TXNRD1: variants seen among roughly 807,000 people sequenced by gnomAD.
The protein encoded by TXNRD1 is thioredoxin reductase 1, cytoplasmic.
Under a neutral mutation model 80.3 loss-of-function variants are expected in TXNRD1, and 57 were observed. The ratio of observed to expected loss-of-function variants is 0.71; its 90% CI spans 0.57 to 0.89. The LOEUF is 0.89. Ranked by LOEUF, TXNRD1 falls within the 40% of genes least tolerant of loss-of-function variation. The pLI, the probability that TXNRD1 is intolerant of heterozygous loss-of-function variation, is 0.00. For missense variants in TXNRD1, 730 were observed against 803.0 expected (o/e 0.91, Z 1.10); for synonymous variants, 291 against 285.2 (o/e 1.02, Z -0.20).
chr12:104,287,265 C>CG (rs2034001694), intron 3 of TXNRD1: 1 of 1,613,742 alleles, frequency 6.2e-7, no homozygotes, highest in Non-Finnish European at 8.5e-7. Context: ...TCTGAGCAGA[C>CG]GGGGAGGCTT....
intron 2 of TXNRD1, among the ~76,000 whole-genome samples, chr12:104,254,389 T>C (rs560203137): frequency 2.9e-4 from 44 of 152,118 alleles, no homozygotes; most frequent in African/African-American, 1.0e-3. Flanking sequence ...AACAAATACC[T>C]GACATAATGC....
At chr12:104,257,081 C>T (rs1254586092) in intron 2 of TXNRD1, among the ~76,000 whole-genome samples, 1 of 142,556 alleles carries the variant, frequency 7.0e-6, no homozygotes, top group Non-Finnish European at 1.5e-5. Flanking sequence ...GAATATGGTT[C>T]TAAACTTTCC....
At chr12:104,284,039 GT>G (rs1420451605) in intron 3 of TXNRD1, among the ~76,000 whole-genome samples, 1 of 152,158 alleles carries the variant, frequency 6.6e-6, no homozygotes, top group East Asian at 1.9e-4. Flanking sequence ...GGTTAAGGGA[GT>G]TCTGTCTGAT....
At chr12:104,279,835 A>C (rs7316394) in intron 3 of TXNRD1, among the ~76,000 whole-genome samples, 88,303 of 151,746 alleles carry the variant, frequency 0.58, 26,082 homozygotes, top group East Asian at 0.83. Flanking sequence ...GAGGCCGAGG[A>C]GGGTGGATCA....
intron 16 of TXNRD1, among the ~76,000 whole-genome samples, chr12:104,343,211 C>G (rs1205175907): frequency 6.6e-6 from 1 of 152,160 alleles, no homozygotes; most frequent in Admixed American, 6.5e-5. Flanking sequence ...GACGAGGAAA[C>G]CAAGGACAAA....
chr12:104,268,820 A>G (rs1294649653), intron 3 of TXNRD1, among the ~76,000 whole-genome samples: 1 of 151,740 alleles, frequency 6.6e-6, no homozygotes, highest in Non-Finnish European at 1.5e-5. Flanking sequence ...CCTGGCGTAC[A>G]GTAGAGCTTC....
At chr12:104,254,349 T>A (rs191814358) in intron 2 of TXNRD1, among the ~76,000 whole-genome samples, 23 of 152,146 alleles carry the variant, frequency 1.5e-4, no homozygotes, top group Admixed American at 1.4e-3. Flanking sequence ...CTTCCTTCTG[T>A]CAGTACTGAG....
chr12:104,319,550 G>A lies in TXNRD1; in HGVS notation c.954G>A (p.Leu318=). 6.2e-7 allele frequency: 1 copy of A among 1,604,832 alleles called. No individual in the cohort carries two copies. Among genetic ancestry groups the A allele is most frequent in the Non-Finnish European group, 8.5e-7 (1 of 1,175,538 alleles). The change falls in exon 9 of 17, where the codon TTG becomes TTA. Residue 318 remains leucine (L), a synonymous_variant. Coordinates refer to ENST00000525566, the MANE Select transcript of TXNRD1 (RefSeq NM_001093771.3). Reference sequence around the variant, plus strand: ...CCACTGGTGAAAGACCACGTTACTTGGGCATCCCTGGTGACAAAGAATACT... The same window carrying A: ...CCACTGGTGAAAGACCACGTTACTTAGGCATCCCTGGTGACAAAGAATACT... ...LIATGERPRY[L]GIPGDKEYCI...
At chr12:104,220,796 T>C (rs1396552595) in intron 1 of TXNRD1, among the ~76,000 whole-genome samples, 1 of 151,344 alleles carries the variant, frequency 6.6e-6, no homozygotes, top group Non-Finnish European at 1.5e-5. Flanking sequence ...TTGAAAGAAC[T>C]CAAAAGAAGG....
chr12:104,251,049 T>C (rs2033107681), intron 1 of TXNRD1, among the ~76,000 whole-genome samples: 1 of 152,240 alleles, frequency 6.6e-6, no homozygotes, highest in Non-Finnish European at 1.5e-5. Flanking sequence ...GAAGATCCTG[T>C]GTCTGCTTAT....
chr12:104,245,870 G>A (rs1259104280), intron 1 of TXNRD1, among the ~76,000 whole-genome samples: 2 of 152,124 alleles, frequency 1.3e-5, no homozygotes, highest in East Asian at 1.9e-4. Context: ...AGCACTTTGG[G>A]AGGCCGAGGC....
intron 7 of TXNRD1, among the ~76,000 whole-genome samples, chr12:104,317,129 A>G (rs2035357301): frequency 6.6e-6 from 1 of 152,224 alleles, no homozygotes; most frequent in Non-Finnish European, 1.5e-5. Flanking sequence ...AGAGAGGGAT[A>G]TAGGAGGAAA....
chr12:104,289,658 T>TA (rs769471585), intron 4 of TXNRD1: 2 of 152,190 alleles, frequency 1.3e-5, no homozygotes, highest in Non-Finnish European at 2.9e-5. Context: ...ACTGAGGAGT[T>TA]ATAGCCACTG....
Position 104,234,052 on chromosome 12 carries a change from T to C in TXNRD1, c.92-17475T>C, listed in dbSNP as rs573565849. Among the ~76,000 whole-genome samples, 19 of 152,322 alleles carry C rather than the reference T, an allele frequency of 1.2e-4. No individual in the cohort carries two copies. In the South Asian group the frequency reaches 3.9e-3, roughly 32 times the overall value. ...TTCAATATTACAATCTTCAAAGCTA[T>C]TAAAAACCTGTGTTTGAGAATACCT... On this transcript the variant is annotated intron_variant, in intron 1 of 16. Transcript: ENST00000525566.
At chr12:104,288,767 G>C in intron 3 of TXNRD1, 164 bp from the exon 4 acceptor site, 1 of 1,519,738 alleles carries the variant, frequency 6.6e-7, no homozygotes, top group Non-Finnish European at 8.8e-7. Flanking sequence ...GTGAGTTCTA[G>C]CCTTTGTCAG....
intron 1 of TXNRD1, among the ~76,000 whole-genome samples, chr12:104,217,143 T>A (rs549761310): frequency 6.6e-6 from 1 of 152,274 alleles, no homozygotes; most frequent in South Asian, 2.1e-4. Flanking sequence ...GCAGCTAATT[T>A]GTGGCCATTA....
chr12:104,231,181 T>G (rs2032613918), intron 1 of TXNRD1, among the ~76,000 whole-genome samples: 1 of 152,114 alleles, frequency 6.6e-6, no homozygotes, highest in Non-Finnish European at 1.5e-5. Flanking sequence ...CTAAAATAAT[T>G]TATTAATAAC....
intron 14 of TXNRD1, 33 bp from the exon 15 acceptor site, chr12:104,334,204 A>G (rs371358016): frequency 2.6e-6 from 3 of 1,174,650 alleles, no homozygotes; most frequent in African/African-American, 3.1e-5. Flanking sequence ...GTTTAAAATA[A>G]TGGGTCTAAA....
At chr12:104,238,534 G>A (rs2032787726) in intron 1 of TXNRD1, among the ~76,000 whole-genome samples, 1 of 152,226 alleles carries the variant, frequency 6.6e-6, no homozygotes, top group Middle Eastern at 3.4e-3. Flanking sequence ...TTTCATAGAT[G>A]ACCTTTATCA....
Sources: gnomAD v4.1 joint callset for allele counts (sites outside exome capture counted in the v4.1 genomes callset) on GRCh38, gnomAD v4.1.1 for gene constraint, MANE v1.5 for transcripts, NCBI Gene and HGNC (gene_info 2026-07-23, HGNC 2026-07-21) for gene names.